Variants in ATP2B1 observed in about 807,000 individuals in gnomAD.
ATP2B1 encodes the protein plasma membrane calcium-transporting ATPase 1.
ATP2B1 carries 14 observed loss-of-function variants against 124.2 expected under a neutral mutation model. That is an observed-to-expected ratio of 0.11 (90% CI 0.07 to 0.18). ATP2B1 has a LOEUF of 0.18. Among genes scored for constraint, ATP2B1 ranks in the 10% least tolerant of loss-of-function variants. ATP2B1 has a pLI of 1.00. For missense variants in ATP2B1, 763 were observed against 1,466.1 expected (o/e 0.52, Z 7.83); for synonymous variants, 449 against 492.4 (o/e 0.91, Z 1.17).
chr12:89,676,177 G>A (rs1888584995), intron 1 of ATP2B1, among the ~76,000 whole-genome samples: 2 of 152,100 alleles, frequency 1.3e-5, no homozygotes, highest in Non-Finnish European at 2.9e-5. Flanking sequence ...GAGAGGCTCT[G>A]GGAAGTACAG....
At chr12:89,648,787 G>A (rs527529185) in intron 2 of ATP2B1, among the ~76,000 whole-genome samples, 9 of 152,362 alleles carry the variant, frequency 5.9e-5, no homozygotes, top group Middle Eastern at 3.4e-3. Flanking sequence ...CAGCCTAGGC[G>A]GAAAGAATGC....
At chr12:89,705,115 AACAAG>A (rs1476188374) in intron 1 of ATP2B1, among the ~76,000 whole-genome samples, 1 of 152,154 alleles carries the variant, frequency 6.6e-6, no homozygotes, top group African/African-American at 2.4e-5. Context: ...AAAAAATTTT[AACAAG>A]ACAACAATAT....
chr12:89,654,737 G>A (rs1391173778), intron 2 of ATP2B1, among the ~76,000 whole-genome samples: 1 of 152,096 alleles, frequency 6.6e-6, no homozygotes, highest in Non-Finnish European at 1.5e-5. Flanking sequence ...GCAATAGCAT[G>A]GCATAAAATG....
intron 11 of ATP2B1, among the ~76,000 whole-genome samples, chr12:89,618,078 T>C (rs1330217842): frequency 6.6e-6 from 1 of 151,730 alleles, no homozygotes. Context: ...TTAACTGATA[T>C]GTCTCTAGTT....
chr12:89,648,039 C>G (rs542941694), intron 2 of ATP2B1, among the ~76,000 whole-genome samples: 9 of 152,326 alleles, frequency 5.9e-5, no homozygotes, highest in Admixed American at 4.6e-4. Context: ...CATTAAATCT[C>G]TTTTCTTTAT....
At chr12:89,675,303 T>C (rs368004962) in intron 1 of ATP2B1, among the ~76,000 whole-genome samples, 4 of 152,332 alleles carry the variant, frequency 2.6e-5, no homozygotes, top group African/African-American at 7.2e-5. Flanking sequence ...ATACTTTTCA[T>C]ACATAATGCG....
chr12:89,654,441 A>G (rs186979865), intron 2 of ATP2B1, among the ~76,000 whole-genome samples: 12 of 152,330 alleles, frequency 7.9e-5, no homozygotes, highest in Admixed American at 3.9e-4. Context: ...TAGTGGTTCC[A>G]ATTTGAAAAG....
At chr12:89,695,867 T>C (rs1406068291) in intron 1 of ATP2B1, among the ~76,000 whole-genome samples, 1 of 152,224 alleles carries the variant, frequency 6.6e-6, no homozygotes, top group Non-Finnish European at 1.5e-5. Context: ...TTCCAATCTT[T>C]GTGTCATTTA....
At chr12:89,652,741 G>GTT (rs11431123) in intron 2 of ATP2B1, among the ~76,000 whole-genome samples, 85 of 151,998 alleles carry the variant, frequency 5.6e-4, no homozygotes, top group African/African-American at 2.0e-3. Flanking sequence ...CTGCTGCTGT[G>GTT]TTTTTTTTAT....
At position 89,589,303 on chromosome 12, in the gene ATP2B1, G is replaced by A. The variant is rs891662592; in HGVS notation, c.*1681C>T. 1.4e-4 allele frequency: 22 copies of A among 152,320 alleles called. No homozygotes were observed. Among genetic ancestry groups the A allele is most frequent in the Admixed American group, 1.3e-3 (20 of 15,230 alleles). 9.4% of individuals were successfully genotyped at this position (152,320 alleles called of 1,614,324 possible). On this transcript the variant is annotated 3_prime_UTR_variant, in exon 21 of 21. Transcript: ENST00000428670. ...AGGATTGTGTATCTGGTGAAATCTG[G>A]GCCCTAACACATGCCAGTTTCTAAA...
At chr12:89,654,741 T>C (rs1456725583) in intron 2 of ATP2B1, among the ~76,000 whole-genome samples, 3 of 152,180 alleles carry the variant, frequency 2.0e-5, no homozygotes, top group Non-Finnish European at 4.4e-5. Flanking sequence ...TAGCATGGCA[T>C]AAAATGTTTC....
chr12:89,619,938 G>A, intron 11 of ATP2B1, 61 bp downstream of exon 11: 1 of 1,584,914 alleles, frequency 6.3e-7, no homozygotes, highest in Non-Finnish European at 8.6e-7. Context: ...TAACAACACA[G>A]TAGATACTCC....
At chr12:89,678,379 G>A (rs12310846) in intron 1 of ATP2B1, among the ~76,000 whole-genome samples, 1 of 152,188 alleles carries the variant, frequency 6.6e-6, no homozygotes, top group South Asian at 2.1e-4. Context: ...ATTCAGAGGT[G>A]CTCAATGACT....
At chr12:89,675,444 T>G (rs1466260495) in intron 1 of ATP2B1, among the ~76,000 whole-genome samples, 1 of 152,158 alleles carries the variant, frequency 6.6e-6, no homozygotes, top group Non-Finnish European at 1.5e-5. Context: ...GCAGAATTAC[T>G]GTAGTTCCTC....
At chr12:89,692,600 C>T (rs1890679547) in intron 1 of ATP2B1, among the ~76,000 whole-genome samples, 1 of 152,124 alleles carries the variant, frequency 6.6e-6, no homozygotes, top group Non-Finnish European at 1.5e-5. Flanking sequence ...CATACAAATG[C>T]TCTATAAGAA....
chr12:89,697,565 T>C (rs890118172), intron 1 of ATP2B1, among the ~76,000 whole-genome samples: 1 of 152,118 alleles, frequency 6.6e-6, no homozygotes, highest in Non-Finnish European at 1.5e-5. Context: ...AGATGACATA[T>C]CTGGGTTATC....
rs1459298558 is a variant in ATP2B1, at chr12:89,588,350, T to C, written c.*2634A>G. On this transcript the variant is annotated 3_prime_UTR_variant, in exon 21 of 21. Coordinates refer to ENST00000428670, the MANE Select transcript of ATP2B1 (RefSeq NM_001366521.1). ...TAAGATGACAAGGAGTAACTCATCT[T>C]CAAAGTGCAAGTAAGTCTATTTACA... The C allele has an allele frequency of 6.6e-6, 1 of 152,594 alleles. No individual in the cohort carries two copies. Among genetic ancestry groups the C allele is most frequent in the Non-Finnish European group, 1.5e-5 (1 of 68,022 alleles). The allele number at this position is 152,594 out of a possible 1,614,324, so 9.5% of individuals were successfully genotyped here. A position where few individuals can be genotyped will look rare whatever the true frequency, so the allele number is the denominator to read the frequency against.
chr12:89,610,689 G>A lies in ATP2B1; in HGVS notation c.2248-181C>T. The stretch of plus-strand genomic sequence containing the variant: ...ACCCAGATCTATCTTAGCGAATACT[G>A]TGGGGCAGGCCCAGCAATCTGTGTT... On this transcript the variant is annotated intron_variant, in intron 13 of 20. Coordinates refer to ENST00000428670, the MANE Select transcript of ATP2B1 (RefSeq NM_001366521.1). The A allele has an allele frequency of 7.2e-6, 4 of 559,030 alleles. No homozygotes were observed. The South Asian group carries it at 9.7e-5, about 14-fold the overall frequency. The allele number at this position is 559,030 out of a possible 1,614,324, so 34.6% of individuals were successfully genotyped here.
At chr12:89,611,573 G>C in intron 12 of ATP2B1, 1 of 440,674 alleles carries the variant, frequency 2.3e-6, no homozygotes, top group Non-Finnish European at 3.7e-6. Flanking sequence ...TCCACTGCCA[G>C]ACTTAGCTCA....
Sources: allele counts gnomAD v4.1 joint callset (sites outside exome capture counted in the v4.1 genomes callset), GRCh38; gene constraint gnomAD v4.1.1; transcripts MANE v1.5; gene names NCBI Gene and HGNC (gene_info 2026-07-23, HGNC 2026-07-21).